The following DOCK3 variants were observed in gnomAD, a reference collection of about 807,000 sequenced individuals.
DOCK3 encodes the protein dedicator of cytokinesis protein 3.
In DOCK3, 60 loss-of-function variants were observed where a neutral mutation model predicts 265.6. That is an observed-to-expected ratio of 0.23 (90% CI 0.18 to 0.28). The LOEUF is 0.28. Among genes scored for constraint, DOCK3 ranks in the 10% least tolerant of loss-of-function variants. The pLI is 1.00. For missense variants in DOCK3, 1,981 were observed against 2,594.3 expected, an observed-to-expected ratio of 0.76 and a Z score of 5.14; for synonymous variants, 881 against 938.0, an observed-to-expected ratio of 0.94 and a Z score of 1.11.
At chr3:50,766,693 G>T (rs1407039342) in intron 1 of DOCK3, among the ~76,000 whole-genome samples, 1 of 152,136 alleles carries the variant, frequency 6.6e-6, no homozygotes, top group Non-Finnish European at 1.5e-5. Context: ...TTGAGGAATT[G>T]CCACACTATC....
At chr3:51,126,529 A>G (rs977168042) in intron 9 of DOCK3, among the ~76,000 whole-genome samples, 2 of 152,222 alleles carry the variant, frequency 1.3e-5, no homozygotes, top group African/African-American at 2.4e-5. Flanking sequence ...ACATGGGCAC[A>G]CACCTTCCTC....
intron 5 of DOCK3, among the ~76,000 whole-genome samples, chr3:50,988,530 C>T (rs559170709): frequency 1.3e-5 from 2 of 152,222 alleles, no homozygotes; most frequent in Non-Finnish European, 2.9e-5. Flanking sequence ...GCTCCTCTAC[C>T]AAAATGTGGT....
intron 9 of DOCK3, among the ~76,000 whole-genome samples, chr3:51,101,420 T>C (rs2109731365): frequency 6.6e-6 from 1 of 152,316 alleles, no homozygotes; most frequent in South Asian, 2.1e-4. Context: ...GCGCCCGGCC[T>C]CGGCTTAGTC....
At chr3:51,019,625 C>T (rs2079500757) in intron 5 of DOCK3, among the ~76,000 whole-genome samples, 1 of 151,878 alleles carries the variant, frequency 6.6e-6, no homozygotes, top group Non-Finnish European at 1.5e-5. Flanking sequence ...TTCCTCCTTC[C>T]ACCCTCACCT....
Position 51,359,490 on chromosome 3 carries a change from A to G in DOCK3, c.4885-1021A>G, listed in dbSNP as rs147596375. On this transcript the variant is annotated intron_variant, in intron 46 of 52. Transcript: ENST00000266037. This position sits in a 1 kb window ranked among gnomAD's most constrained non-coding sequence, Gnocchi z 4.8. ...CCATTTAGTTAAGAACTTGGGCAGTATCGCTGAGTCTGGTGGGTATTCATT... is the reference window on the plus strand; with the variant it reads ...CCATTTAGTTAAGAACTTGGGCAGTGTCGCTGAGTCTGGTGGGTATTCATT... Among the ~76,000 whole-genome samples, 2 of 152,334 alleles carry G rather than the reference A, an allele frequency of 1.3e-5. No individual in the cohort carries two copies. Among genetic ancestry groups the G allele is most frequent in the African/African-American group, 4.8e-5 (2 of 41,572 alleles).
At chr3:51,106,282 T>C (rs2083276185) in intron 9 of DOCK3, among the ~76,000 whole-genome samples, 1 of 152,158 alleles carries the variant, frequency 6.6e-6, no homozygotes, top group Non-Finnish European at 1.5e-5. Context: ...CTCAGGTAAT[T>C]TGTGGGTACC....
At position 51,315,116 on chromosome 3, in the gene DOCK3, C is replaced by T; in HGVS notation, c.3390C>T (p.Gly1130=). 1 of 1,608,764 alleles carries T rather than the reference C, an allele frequency of 6.2e-7. No homozygotes were observed. Among genetic ancestry groups the T allele is most frequent in the East Asian group, 2.2e-5 (1 of 44,608 alleles). Residue 1130 remains glycine (G), a synonymous_variant, in exon 32 of 53, where the codon GGC becomes GGT. Transcript: ENST00000266037. The part of the protein sequence containing the change: ...DMMDWEQRKN[G]NFKQVEAELI... Reference sequence around the variant, plus strand: ...TGGACTGGGAGCAGAGAAAAAATGGCAACTTCAAACAGGTAAGACACCTGG... The same window carrying T: ...TGGACTGGGAGCAGAGAAAAAATGGTAACTTCAAACAGGTAAGACACCTGG...
chr3:50,756,278 G>T (rs2040157333), intron 1 of DOCK3, among the ~76,000 whole-genome samples: 1 of 152,088 alleles, frequency 6.6e-6, no homozygotes, highest in Non-Finnish European at 1.5e-5. Flanking sequence ...CTGCCATTTT[G>T]CCTCATAATG....
intron 12 of DOCK3, among the ~76,000 whole-genome samples, chr3:51,186,993 A>G (rs1043784917): frequency 1.9e-4 from 29 of 152,314 alleles, no homozygotes; most frequent in African/African-American, 6.7e-4. Context: ...CAGAGTCCCT[A>G]CTGAGGCACT....
intron 4 of DOCK3, among the ~76,000 whole-genome samples, chr3:50,896,801 G>T (rs2048914896): frequency 2.0e-5 from 3 of 152,170 alleles, no homozygotes; most frequent in African/African-American, 7.2e-5. Flanking sequence ...GATGGTTGTA[G>T]ACATGTAGTG....
chr3:51,110,614 A>G (rs1375416893), intron 9 of DOCK3, among the ~76,000 whole-genome samples: 1 of 152,218 alleles, frequency 6.6e-6, no homozygotes. Flanking sequence ...GATGCGGAAA[A>G]GGCTTTCAAA....
intron 27 of DOCK3, among the ~76,000 whole-genome samples, chr3:51,282,015 A>G (rs1246474542): frequency 1.3e-5 from 2 of 152,218 alleles, no homozygotes; most frequent in Non-Finnish European, 2.9e-5. Context: ...CAAAGGAGAT[A>G]GGGTTATTTA....
chr3:50,950,762 G>A (rs1448156514), intron 5 of DOCK3, among the ~76,000 whole-genome samples: 4 of 152,126 alleles, frequency 2.6e-5, no homozygotes, highest in African/African-American at 7.2e-5. Flanking sequence ...ATTGGCAGGT[G>A]CTCACAGGGC....
chr3:50,831,235 T>G (rs1369620397), intron 2 of DOCK3, among the ~76,000 whole-genome samples: 1 of 151,356 alleles, frequency 6.6e-6, no homozygotes, highest in Non-Finnish European at 1.5e-5. Context: ...ATTTTTAATT[T>G]TTTTTATTTT....
At chr3:50,763,632 TG>T (rs1335321679) in intron 1 of DOCK3, among the ~76,000 whole-genome samples, 1 of 152,204 alleles carries the variant, frequency 6.6e-6, no homozygotes, top group African/African-American at 2.4e-5. Context: ...TTTAGAAATT[TG>T]TCCATTTACT....
At chr3:50,752,570 A>C (rs1348608790) in intron 1 of DOCK3, among the ~76,000 whole-genome samples, 1 of 150,954 alleles carries the variant, frequency 6.6e-6, no homozygotes, top group Admixed American at 6.6e-5. Flanking sequence ...TAAGGTCAGG[A>C]TTTTGAGAAC....
At chr3:50,772,094 C>T (rs1358145963) in intron 1 of DOCK3, among the ~76,000 whole-genome samples, 16 of 152,154 alleles carry the variant, frequency 1.1e-4, no homozygotes. Flanking sequence ...ACATACACAA[C>T]GGAGTACTAT....
At chr3:51,199,437 T>A (rs184914126) in intron 12 of DOCK3, among the ~76,000 whole-genome samples, 8 of 152,324 alleles carry the variant, frequency 5.3e-5, no homozygotes, top group Admixed American at 3.9e-4. Context: ...CGCTGATTGC[T>A]AGCACAGCAG....
At chr3:51,279,930 T>C (rs1387245806) in intron 26 of DOCK3, among the ~76,000 whole-genome samples, 176 bp from the exon 27 acceptor site, 1 of 152,168 alleles carries the variant, frequency 6.6e-6, no homozygotes. Flanking sequence ...TTCCCCCTAA[T>C]CCCTCCAGGC....
Sources: allele counts gnomAD v4.1 joint callset (sites outside exome capture counted in the v4.1 genomes callset), GRCh38; gene constraint gnomAD v4.1.1; non-coding constraint Gnocchi (gnomAD v3.1); transcripts MANE v1.5; gene names NCBI Gene and HGNC (gene_info 2026-07-23, HGNC 2026-07-21).